BORCS5: variants seen among roughly 807,000 people sequenced by gnomAD.
BORCS5 encodes BLOC-1-related complex subunit 5.
BORCS5 carries 17 observed loss-of-function variants against 22.1 expected under a neutral mutation model. That is an observed-to-expected ratio of 0.77 (90% confidence interval 0.53 to 1.15). The LOEUF (loss-of-function observed/expected upper bound fraction) is 1.15. BORCS5 is among the 50% of genes most tolerant of loss of function. The probability of loss-of-function intolerance (pLI) is 0.00; values close to 1 mark genes in which losing one functional copy is unlikely to be tolerated. For synonymous variants in BORCS5, 117 were observed against 99.8 expected (o/e 1.17, Z -1.03); for missense variants, 247 against 253.2 (o/e 0.98, Z 0.17).
At chr12:12,382,054 A>G (rs1187185149) in intron 2 of BORCS5, among the ~76,000 whole-genome samples, 4 of 151,128 alleles carry the variant, frequency 2.6e-5, no homozygotes, top group Non-Finnish European at 4.4e-5. Flanking sequence ...CTTTATTTCT[A>G]TTTTATCTAA....
In BORCS5 at chr12:12,357,088, C is replaced by A. The variant is rs748968881; in HGVS notation, c.-364C>A. ...TAGCCGGCACCGCCCATCTGCGTCCCGGAAGGAGCGAGCTTGCGGAGCGTG... is the reference window on the plus strand; with the variant it reads ...TAGCCGGCACCGCCCATCTGCGTCCAGGAAGGAGCGAGCTTGCGGAGCGTG... On this transcript the variant is annotated 5_prime_UTR_variant, in exon 1 of 4. Coordinates refer to ENST00000314565, the MANE Select transcript of BORCS5 (RefSeq NM_058169.6). The A allele has an allele frequency of 1.5e-4, 231 of 1,533,662 alleles. No individual in the cohort carries two copies. The highest frequency in any genetic ancestry group is 1.9e-4 in the Non-Finnish European group (212 of 1,145,550).
chr12:12,417,336 A>T lies in BORCS5; in HGVS notation c.203-18292A>T, dbSNP rs151037136. ...GTGGTGGAAGAAGATTCTTTGTATA[A>T]TATCTATCTTTTGAAATCTTTTGAG... On this transcript the variant is annotated intron_variant, in intron 2 of 3. Coordinates refer to ENST00000314565, the MANE Select transcript of BORCS5 (RefSeq NM_058169.6). Among the ~76,000 whole-genome samples, 1,054 of 152,226 alleles carry T rather than the reference A, an allele frequency of 6.9e-3. 16 individuals are homozygous for T. Among genetic ancestry groups the T allele is most frequent in the African/African-American group, 0.024 (987 of 41,544 alleles).
chr12:12,371,318 G>A (rs1410722560), intron 2 of BORCS5, among the ~76,000 whole-genome samples: 1 of 151,928 alleles, frequency 6.6e-6, no homozygotes, highest in East Asian at 1.9e-4. Context: ...TTGGCAACAC[G>A]ATCTTGCCCT....
chr12:12,389,289 C>G (rs1476401362), intron 2 of BORCS5, among the ~76,000 whole-genome samples: 1 of 150,388 alleles, frequency 6.6e-6, no homozygotes, highest in African/African-American at 2.5e-5. Flanking sequence ...AGGCGCCCAC[C>G]ACCACGCCTG....
rs555264542 is a variant in BORCS5, at chr12:12,422,171, G to T, written c.203-13457G>T. The stretch of plus-strand genomic sequence containing the variant: ...TTTTAGATCTTTCCTGCTTTCTCTT[G>T]TGGGCATTTAGTGCTTATGCTGTTT... On this transcript the variant is annotated intron_variant, in intron 2 of 3. Coordinates refer to ENST00000314565, the MANE Select transcript of BORCS5 (RefSeq NM_058169.6). Among the ~76,000 whole-genome samples, 15 of 152,164 alleles carry T rather than the reference G, an allele frequency of 9.9e-5. No individual in the cohort carries two copies. The South Asian group carries it at 3.1e-3, about 32-fold the overall frequency.
rs750638872 is a variant in BORCS5, at chr12:12,357,129, G to T, written c.-323G>T. The T allele has an allele frequency of 2.6e-6, 4 of 1,533,930 alleles. No homozygotes were observed. The highest frequency in any genetic ancestry group is 3.5e-6 in the Non-Finnish European group (4 of 1,146,056). ...GCGGAGCGTGAACCAGTGAGTGAAA[G>T]CGGCGCCGCCCGCCGGCCGCAGGTG... On this transcript the variant is annotated 5_prime_UTR_variant, in exon 1 of 4. Transcript: ENST00000314565.
chr12:12,414,697 C>CCT (rs1555151300), intron 2 of BORCS5, among the ~76,000 whole-genome samples: 2 of 128,222 alleles, frequency 1.6e-5, no homozygotes, highest in African/African-American at 6.3e-5. Context: ...CTGACCCCCC[C>CCT]CACCTCCCTC....
chr12:12,376,171 AAGTC>A (rs1231097980), intron 2 of BORCS5, among the ~76,000 whole-genome samples: 1 of 151,942 alleles, frequency 6.6e-6, no homozygotes, highest in Non-Finnish European at 1.5e-5. Flanking sequence ...TATGAACAAA[AAGTC>A]TGTTTTGATT....
chr12:12,358,171 T>G (rs1863189816), intron 1 of BORCS5, among the ~76,000 whole-genome samples: 1 of 152,254 alleles, frequency 6.6e-6, no homozygotes, highest in Admixed American at 6.5e-5. Context: ...AGCTGATGTT[T>G]AATTGAGGAC....
intron 3 of BORCS5, among the ~76,000 whole-genome samples, chr12:12,447,168 G>T (rs1942806283): frequency 6.6e-6 from 1 of 152,194 alleles, no homozygotes; most frequent in African/African-American, 2.4e-5. Context: ...AATAGTCATA[G>T]TTGTATTCTG....
At chr12:12,389,764 C>T (rs1400057387) in intron 2 of BORCS5, among the ~76,000 whole-genome samples, 8 of 152,276 alleles carry the variant, frequency 5.3e-5, no homozygotes, top group South Asian at 2.1e-4. Context: ...ATGCCACAGT[C>T]ACCCGAGTAG....
rs1346911209 is a variant in BORCS5 at position 12,417,706 on chromosome 12, A to G, written c.203-17922A>G. Among the ~76,000 whole-genome samples the G allele has an allele frequency of 2.0e-5, 3 of 152,142 alleles. 1 individual carries two copies. Among genetic ancestry groups the G allele is most frequent in the Admixed American group, 1.3e-4 (2 of 15,268 alleles). On this transcript the variant is annotated intron_variant, in intron 2 of 3. Transcript: ENST00000314565. ...GGTCTAACTCTGTCACCCAGGCTGC[A>G]GTGCAGTAGCGAGATCTTGGCTCAC... is the stretch of plus-strand genomic sequence containing the variant.
intron 3 of BORCS5, among the ~76,000 whole-genome samples, chr12:12,446,595 T>G (rs945030071): frequency 6.6e-6 from 1 of 152,226 alleles, no homozygotes; most frequent in African/African-American, 2.4e-5. Flanking sequence ...ACATCTGAAT[T>G]GTTTTAGATC....
rs2136154774 is a variant in BORCS5, at chr12:12,457,606, C to A, written c.361-7940C>A. ...ATGGCGTGAACCCCGGGGGGCAGAG[C>A]CTGCAGTGAGCCGAGATCGCGCCAC... On this transcript the variant is annotated intron_variant, in intron 3 of 3. Coordinates refer to ENST00000314565, the MANE Select transcript of BORCS5 (RefSeq NM_058169.6). Among the ~76,000 whole-genome samples the A allele has an allele frequency of 1.3e-5, 2 of 152,268 alleles. 1 individual carries two copies. The highest frequency in any genetic ancestry group is 4.1e-4 in the South Asian group (2 of 4,824).
intron 2 of BORCS5, among the ~76,000 whole-genome samples, chr12:12,396,713 T>C (rs571678369): frequency 2.0e-5 from 3 of 152,360 alleles, no homozygotes; most frequent in African/African-American, 7.2e-5. Flanking sequence ...TCTGTATGTT[T>C]AAACTGAGAG....
intron 3 of BORCS5, among the ~76,000 whole-genome samples, chr12:12,454,922 A>G (rs7313825): frequency 0.61 from 93,301 of 152,034 alleles, 29,831 homozygotes; most frequent in African/African-American, 0.79. Flanking sequence ...CAACTAGTAG[A>G]ATTTAAATTC....
At chr12:12,416,348 T>C (rs971210644) in intron 2 of BORCS5, among the ~76,000 whole-genome samples, 2 of 152,080 alleles carry the variant, frequency 1.3e-5, no homozygotes, top group African/African-American at 4.8e-5. Context: ...ATCTTTCTTA[T>C]TTCTATCCTT....
rs1014464859 is a variant in BORCS5 at position 12,467,437 on chromosome 12, A to T, written c.*1661A>T. 6.6e-6 allele frequency: 1 copy of T among 152,258 alleles called. No individual in the cohort carries two copies. The highest frequency in any genetic ancestry group is 2.4e-5 in the African/African-American group (1 of 41,446). 9.4% of individuals were successfully genotyped at this position (152,258 alleles called of 1,614,324 possible). The stretch of plus-strand genomic sequence containing the variant: ...CTGTTAGTGGCTGGCACAGGGCAGG[A>T]TGGCAGACCTAGTGCAGCACAAACA... On this transcript the variant is annotated 3_prime_UTR_variant, in exon 4 of 4. Transcript: ENST00000314565.
chr12:12,368,499 C>G (rs1863453169), intron 2 of BORCS5, among the ~76,000 whole-genome samples: 1 of 151,970 alleles, frequency 6.6e-6, no homozygotes, highest in South Asian at 2.1e-4. Context: ...GGCTGGAGTG[C>G]AGTGGCACAA....
Sources: allele counts gnomAD v4.1 joint callset (sites outside exome capture counted in the v4.1 genomes callset), GRCh38; gene constraint gnomAD v4.1.1; transcripts MANE v1.5; gene names NCBI Gene and HGNC (gene_info 2026-07-23, HGNC 2026-07-21).